The following LIMCH1 variants were observed in gnomAD, a reference collection of about 807,000 sequenced individuals.
LIMCH1 encodes LIM and calponin homology domains 1.
Under a neutral mutation model 176.5 loss-of-function variants are expected in LIMCH1, and 113 were observed. The ratio of observed to expected loss-of-function variants is 0.64; its 90% confidence interval spans 0.55 to 0.75. The LOEUF is 0.75. LIMCH1 is among the 30% of genes least tolerant of loss of function. The pLI is 0.00. For missense variants in LIMCH1, 1,674 were observed against 1,814.9 expected (o/e 0.92, Z 1.41); for synonymous variants, 619 against 645.9 (o/e 0.96, Z 0.63).
At chr4:41,670,887 T>C in intron 21 of LIMCH1, 3 of 1,489,234 alleles carry the variant, frequency 2.0e-6, no homozygotes, top group Non-Finnish European at 2.7e-6. Context: ...TTCTGATTTC[T>C]GGGGAAAAAA....
chr4:41,383,712 T>C (rs115858469), intron 1 of LIMCH1, among the ~76,000 whole-genome samples: 100 of 152,232 alleles, frequency 6.6e-4, no homozygotes, highest in African/African-American at 2.3e-3. Flanking sequence ...CAGATATATA[T>C]CTATATCTAT....
intron 1 of LIMCH1, among the ~76,000 whole-genome samples, chr4:41,411,698 C>T (rs901654614): frequency 6.6e-5 from 10 of 150,948 alleles, no homozygotes; most frequent in African/African-American, 2.4e-4. Context: ...TGGTGGCTCA[C>T]GCCTGTAATA....
chr4:41,670,728 C>T (rs1302711276), intron 21 of LIMCH1: 3 of 1,535,724 alleles, frequency 2.0e-6, no homozygotes, highest in Non-Finnish European at 1.7e-6. Context: ...AGTCGCCTGG[C>T]ACTGCCAGTG....
chr4:41,415,762 G>A (rs1238345279), intron 1 of LIMCH1, among the ~76,000 whole-genome samples: 1 of 152,162 alleles, frequency 6.6e-6, no homozygotes, highest in African/African-American at 2.4e-5. Context: ...CAGATCGCGA[G>A]GTCAGGAGTT....
intron 21 of LIMCH1, among the ~76,000 whole-genome samples, chr4:41,669,695 A>G (rs1165573437): frequency 6.6e-6 from 1 of 152,230 alleles, no homozygotes; most frequent in African/African-American, 2.4e-5. Flanking sequence ...TAAAGTCTCC[A>G]TCTTTCAAGA....
intron 1 of LIMCH1, among the ~76,000 whole-genome samples, chr4:41,365,996 A>G (rs1297744447): frequency 6.6e-6 from 1 of 152,208 alleles, no homozygotes; most frequent in East Asian, 1.9e-4. Flanking sequence ...ATGGATGACA[A>G]TAGAGCCATG....
At chr4:41,391,125 G>A (rs1198062622) in intron 1 of LIMCH1, among the ~76,000 whole-genome samples, 1 of 152,114 alleles carries the variant, frequency 6.6e-6, no homozygotes, top group Non-Finnish European at 1.5e-5. Flanking sequence ...TCAAGAAATT[G>A]TTTGGATCAC....
chr4:41,649,519 A>G (rs1236062525), intron 17 of LIMCH1, among the ~76,000 whole-genome samples: 2 of 152,228 alleles, frequency 1.3e-5, no homozygotes, highest in Admixed American at 6.5e-5. Flanking sequence ...TAAAATCTCC[A>G]TAACAGCACT....
intron 14 of LIMCH1, among the ~76,000 whole-genome samples, chr4:41,639,443 C>T (rs2093729453): frequency 6.6e-6 from 1 of 152,146 alleles, no homozygotes. Flanking sequence ...AGGTTGGAGT[C>T]ACATAAACTG....
At chr4:41,512,188 C>T (rs1280930072) in intron 2 of LIMCH1, among the ~76,000 whole-genome samples, 1 of 152,072 alleles carries the variant, frequency 6.6e-6, no homozygotes, top group Non-Finnish European at 1.5e-5. Flanking sequence ...AAATGCAAAT[C>T]AAATCCACAA....
intron 2 of LIMCH1, among the ~76,000 whole-genome samples, chr4:41,498,741 C>A (rs2072670573): frequency 6.6e-6 from 1 of 152,228 alleles, no homozygotes. Context: ...ATATTCTCTA[C>A]TTCCCTGCAC....
intron 1 of LIMCH1, among the ~76,000 whole-genome samples, chr4:41,491,756 C>T (rs1409233067): frequency 6.7e-6 from 1 of 149,240 alleles, no homozygotes; most frequent in Non-Finnish European, 1.5e-5. Flanking sequence ...GCGCTCCTCA[C>T]TTCCCATTCG....
At position 41,631,238 on chromosome 4, in the gene LIMCH1, A is replaced by C. The variant is rs1181862701; in HGVS notation, c.1362A>C (p.Lys454Asn). The C allele has an allele frequency of 6.5e-7, 1 of 1,536,046 alleles. No homozygotes were observed. Among genetic ancestry groups the C allele is most frequent in the Non-Finnish European group, 8.7e-7 (1 of 1,146,928 alleles). ...TAIRDDFANR[K>N]ARASKKASSP... ...TTCGTGATGACTTTGCCAACCGCAA[A>C]GCAAGGGCCTCTAAGAAAGCTTCCA... The change falls in exon 10 of 32, where the codon AAA becomes AAC. Residue 454 changes from lysine to asparagine, a missense_variant. Lys to Asn is a moderately conservative substitution (Grantham distance 94). Transcript: ENST00000503057.
At chr4:41,517,910 A>G (rs2075746688) in intron 2 of LIMCH1, among the ~76,000 whole-genome samples, 1 of 152,086 alleles carries the variant, frequency 6.6e-6, no homozygotes, top group Non-Finnish European at 1.5e-5. Context: ...GAGCCAAATT[A>G]AAAGGGACAC....
At chr4:41,524,044 A>G (rs1433438993) in intron 2 of LIMCH1, among the ~76,000 whole-genome samples, 1 of 152,216 alleles carries the variant, frequency 6.6e-6, no homozygotes, top group Non-Finnish European at 1.5e-5. Context: ...TCCATGTCTT[A>G]GCCAGGAAAA....
At chr4:41,472,980 C>CT (rs111368469) in intron 1 of LIMCH1, 44,337 of 720,904 alleles carry the variant, frequency 0.062, 161 homozygotes, top group African/African-American at 0.1. Flanking sequence ...TGCTGTAAGC[C>CT]TTTTTTTTTT....
intron 1 of LIMCH1, among the ~76,000 whole-genome samples, chr4:41,430,953 C>T (rs1244136589): frequency 3.3e-5 from 5 of 151,968 alleles, no homozygotes; most frequent in Admixed American, 2.0e-4. Flanking sequence ...GGCTTCATGA[C>T]GGAAAGTGTA....
chr4:41,597,374 A>G (rs1045052625), intron 1 of LIMCH1, among the ~76,000 whole-genome samples: 2 of 152,220 alleles, frequency 1.3e-5, no homozygotes, highest in Non-Finnish European at 2.9e-5. Context: ...TGCATGGTGA[A>G]TAATAAGGGC....
intron 1 of LIMCH1, among the ~76,000 whole-genome samples, chr4:41,361,493 G>T (rs1341519675): frequency 6.6e-6 from 1 of 152,186 alleles, no homozygotes; most frequent in African/African-American, 2.4e-5. Flanking sequence ...GGCACAGTGC[G>T]CAGGGCGGGG....
Sources: allele counts gnomAD v4.1 joint callset (sites outside exome capture counted in the v4.1 genomes callset), GRCh38; gene constraint gnomAD v4.1.1; transcripts MANE v1.5; gene names NCBI Gene and HGNC (gene_info 2026-07-23, HGNC 2026-07-21).